Variants in SRRM3 observed in about 807,000 individuals in gnomAD.
SRRM3 encodes serine/arginine repetitive matrix protein 3.
Under a neutral mutation model 66.2 loss-of-function variants are expected in SRRM3, and 27 were observed. That is an observed-to-expected ratio of 0.41 (90% confidence interval 0.30 to 0.56). SRRM3 has a LOEUF of 0.56. Among genes scored for constraint, SRRM3 ranks in the 20% least tolerant of loss-of-function variants. SRRM3 has a pLI of 0.32. For synonymous variants in SRRM3, 391 were observed against 414.9 expected (o/e 0.94, Z 0.70); for missense variants, 918 against 991.9 (o/e 0.93, Z 1.00).
chr7:76,274,735 G>A (rs1802298572), intron 11 of SRRM3, among the ~76,000 whole-genome samples: 2 of 152,194 alleles, frequency 1.3e-5, no homozygotes, highest in African/African-American at 2.4e-5. Context: ...AGAGTCAGAG[G>A]TGGACCCTAG....
At chr7:76,214,078 C>G (rs1246542632) in intron 1 of SRRM3, among the ~76,000 whole-genome samples, 1 of 152,114 alleles carries the variant, frequency 6.6e-6, no homozygotes, top group Non-Finnish European at 1.5e-5. Flanking sequence ...GCGCCCAACC[C>G]TCTCTGGGAT....
At chr7:76,283,562 C>A (rs1554612333) in intron 14 of SRRM3, 1 of 458,202 alleles carries the variant, frequency 2.2e-6, no homozygotes, top group South Asian at 1.5e-5. Context: ...GCCTGGGGGC[C>A]AGGCGGACCC....
At chr7:76,282,474 A>T in intron 12 of SRRM3, 174 bp from the exon 13 acceptor site, 1 of 369,484 alleles carries the variant, frequency 2.7e-6, no homozygotes, top group Non-Finnish European at 4.7e-6. Context: ...GCTCCCCCTG[A>T]ACTGACCCCT....
intron 3 of SRRM3, 36 bp from the exon 4 acceptor site, chr7:76,259,870 C>T: frequency 6.3e-7 from 1 of 1,599,100 alleles, no homozygotes; most frequent in Non-Finnish European, 8.5e-7. Context: ...GAAAAGTCGT[C>T]CCGAGACTGG....
At chr7:76,247,508 G>A (rs781894961) in intron 2 of SRRM3, among the ~76,000 whole-genome samples, 2 of 152,090 alleles carry the variant, frequency 1.3e-5, no homozygotes, top group Admixed American at 6.6e-5. Context: ...TAAAATTCTC[G>A]AAAGAGCGAC....
chr7:76,267,411 C>G lies in SRRM3; in HGVS notation c.984C>G (p.Pro328=), dbSNP rs971815777. 2.9e-5 allele frequency: 40 copies of G among 1,382,548 alleles called. No homozygotes were observed. Among genetic ancestry groups the G allele is most frequent in the Non-Finnish European group, 3.7e-5 (40 of 1,073,882 alleles). 85.6% of individuals were successfully genotyped at this position (1,382,548 alleles called of 1,614,324 possible). ...GQRSGAHGGR[P]GSAHSPPDKP... ...GGAGCGGAGCGCACGGGGGCCGCCC[C>G]GGCTCGGCGCACAGCCCGCCCGATG... Residue 328 remains proline, a synonymous_variant, in exon 11 of 15, where the codon CCC becomes CCG. Coordinates refer to ENST00000611745, the MANE Select transcript of SRRM3 (RefSeq NM_001110199.3).
intron 6 of SRRM3, among the ~76,000 whole-genome samples, 183 bp downstream of exon 6, chr7:76,261,086 G>A (rs570361279): frequency 6.6e-6 from 1 of 151,928 alleles, no homozygotes; most frequent in South Asian, 2.1e-4. Context: ...CTGACTTCTG[G>A]GTTTGAAACT....
intron 2 of SRRM3, among the ~76,000 whole-genome samples, chr7:76,237,531 C>T (rs533182008): frequency 6.7e-4 from 102 of 152,270 alleles, no homozygotes; most frequent in African/African-American, 2.3e-3. Flanking sequence ...GCCAAGATTG[C>T]GCCACTGCAC....
chr7:76,240,850 C>T (rs7790636), intron 2 of SRRM3, among the ~76,000 whole-genome samples: 11,258 of 151,840 alleles, frequency 0.074, 988 homozygotes, highest in African/African-American at 0.2. Context: ...TCACTGCCCC[C>T]TATTCCCCCT....
At chr7:76,239,301 T>C (rs1801226395) in intron 2 of SRRM3, among the ~76,000 whole-genome samples, 1 of 152,222 alleles carries the variant, frequency 6.6e-6, no homozygotes, top group African/African-American at 2.4e-5. Context: ...CCCAAAGTGC[T>C]GGGATTACAG....
intron 2 of SRRM3, among the ~76,000 whole-genome samples, chr7:76,242,763 G>A (rs976253763): frequency 7.2e-5 from 11 of 152,208 alleles, no homozygotes; most frequent in South Asian, 2.1e-4. Flanking sequence ...TACATCCCTC[G>A]CATGCGCAGT....
In SRRM3 at chr7:76,262,505, ACT is replaced by A. The variant is rs1440134695; in HGVS notation, c.674+927_674+928del. Reference sequence around the variant, plus strand: ...ACTCCAGCCTGGGTGACACAGCGAGACTCTGTCTCAGAAAAAAAAAAAAAAAA... The same window carrying A: ...ACTCCAGCCTGGGTGACACAGCGAGACTGTCTCAGAAAAAAAAAAAAAAAA... On this transcript the variant is annotated intron_variant, in intron 8 of 14. Coordinates refer to ENST00000611745, the MANE Select transcript of SRRM3 (RefSeq NM_001110199.3). 2.4e-5 allele frequency among the ~76,000 whole-genome samples: 3 copies of A among 122,670 alleles called. No individual in the cohort carries two copies. In the East Asian group the frequency reaches 7.5e-4, roughly 31 times the overall value. The allele number at this position is 122,670 out of a possible 152,430, so 80.5% of individuals were successfully genotyped here.
chr7:76,265,458 T>A lies in SRRM3; in HGVS notation c.820T>A (p.Ser274Thr). ...SLSSHYSDSR[S>T]PSRLSPKHRD... ...CTCCTCCCACTACAGTGATTCCAGATCTCCCAGCAGGTAGGCCTGGGCCTC... is the reference window on the plus strand; with the variant it reads ...CTCCTCCCACTACAGTGATTCCAGAACTCCCAGCAGGTAGGCCTGGGCCTC... The change falls in exon 10 of 15, where the codon TCT (serine) becomes ACT (threonine). Residue 274 changes from serine to threonine, a missense_variant. Coordinates refer to ENST00000611745, the MANE Select transcript of SRRM3 (RefSeq NM_001110199.3). 1.2e-6 allele frequency: 2 copies of A among 1,601,468 alleles called. No individual in the cohort carries two copies. Among genetic ancestry groups the A allele is most frequent in the South Asian group, 1.1e-5 (1 of 88,348 alleles).
At chr7:76,250,145 G>C (rs1316247023) in intron 3 of SRRM3, among the ~76,000 whole-genome samples, 1 of 152,084 alleles carries the variant, frequency 6.6e-6, no homozygotes, top group Non-Finnish European at 1.5e-5. Context: ...CCAGGTTCAA[G>C]CTATTCTCCT....
intron 1 of SRRM3, among the ~76,000 whole-genome samples, chr7:76,207,520 G>A (rs1351783733): frequency 2.6e-5 from 4 of 152,144 alleles, no homozygotes; most frequent in African/African-American, 7.2e-5. Flanking sequence ...TGCTGCTGGA[G>A]GAGGTCTGTT....
chr7:76,282,566 G>GCCCCCC, intron 12 of SRRM3, 82 bp from the exon 13 acceptor site: 1 of 338,702 alleles, frequency 3.0e-6, no homozygotes, highest in Non-Finnish European at 4.5e-6. Flanking sequence ...TCCGCCCTAA[G>GCCCCCC]CCCCGCCCCA....
chr7:76,240,587 T>G (rs1223714238), intron 2 of SRRM3, among the ~76,000 whole-genome samples: 8 of 138,228 alleles, frequency 5.8e-5, no homozygotes, highest in African/African-American at 2.2e-4. Flanking sequence ...GCCACTGCAC[T>G]CCAGCCTGGG....
chr7:76,209,351 G>A (rs905129518), intron 1 of SRRM3, among the ~76,000 whole-genome samples: 1 of 152,202 alleles, frequency 6.6e-6, no homozygotes, highest in African/African-American at 2.4e-5. Flanking sequence ...GTCGTCCAAA[G>A]TGATATGGAG....
At chr7:76,244,388 G>A (rs1801384542) in intron 2 of SRRM3, among the ~76,000 whole-genome samples, 1 of 152,088 alleles carries the variant, frequency 6.6e-6, no homozygotes, top group Non-Finnish European at 1.5e-5. Context: ...AGCTGGGCAT[G>A]GTGGCGGATG....
Sources: gnomAD v4.1 joint callset for allele counts (sites outside exome capture counted in the v4.1 genomes callset) on GRCh38, gnomAD v4.1.1 for gene constraint, MANE v1.5 for transcripts, NCBI Gene and HGNC (gene_info 2026-07-23, HGNC 2026-07-21) for gene names.